The following INPP4B variants were observed in gnomAD, a reference collection of about 807,000 sequenced individuals.
The protein encoded by INPP4B is inositol polyphosphate 4-phosphatase type II.
A neutral mutation model predicts 122.5 loss-of-function variants in INPP4B; 55 were observed. The ratio of observed to expected loss-of-function variants is 0.45; its 90% CI spans 0.36 to 0.56. INPP4B has a LOEUF of 0.56. Among genes scored for constraint, INPP4B ranks in the 20% least tolerant of loss-of-function variants. The pLI, the probability that INPP4B is intolerant of heterozygous loss-of-function variation, is 0.00. For missense variants in INPP4B, 1,000 were observed against 1,097.7 expected, an observed-to-expected ratio of 0.91 and a Z score of 1.26; for synonymous variants, 403 against 388.7, an observed-to-expected ratio of 1.04 and a Z score of -0.43.
At chr4:142,321,016 A>C (rs1032670802) in intron 7 of INPP4B, among the ~76,000 whole-genome samples, 5 of 152,158 alleles carry the variant, frequency 3.3e-5, no homozygotes, top group Non-Finnish European at 5.9e-5. Context: ...TGGTAGATCT[A>C]CTTTTAGTAT....
At chr4:142,661,865 CTTAAGT>C (rs1415211072) in intron 2 of INPP4B, among the ~76,000 whole-genome samples, 1 of 152,156 alleles carries the variant, frequency 6.6e-6, no homozygotes, top group Admixed American at 6.6e-5. Flanking sequence ...GAGACGTTAC[CTTAAGT>C]TGAAGTCTTC....
At chr4:142,250,458 T>A (rs1731407669) in intron 11 of INPP4B, among the ~76,000 whole-genome samples, 1 of 152,200 alleles carries the variant, frequency 6.6e-6, no homozygotes, top group African/African-American at 2.4e-5. Context: ...AGAATGTCAA[T>A]AGCTTACTTT....
chr4:142,207,253 G>A (rs996388450), intron 14 of INPP4B, among the ~76,000 whole-genome samples: 5 of 152,162 alleles, frequency 3.3e-5, no homozygotes, highest in African/African-American at 1.2e-4. Flanking sequence ...GAATGTGGGA[G>A]TGCAAACATC....
chr4:142,743,925 A>T (rs1212629757), intron 1 of INPP4B, among the ~76,000 whole-genome samples: 2 of 151,950 alleles, frequency 1.3e-5, no homozygotes, highest in Non-Finnish European at 1.5e-5. Context: ...AGATAGACAT[A>T]AAAAAGTGAC....
chr4:142,251,704 T>C (rs2636655), intron 11 of INPP4B, among the ~76,000 whole-genome samples: 115,383 of 152,110 alleles, frequency 0.76, 45,102 homozygotes, highest in East Asian at 0.93. Flanking sequence ...TTTAAACATA[T>C]TGCTCAATTA....
intron 2 of INPP4B, among the ~76,000 whole-genome samples, chr4:142,514,885 T>C (rs1825222468): frequency 6.9e-6 from 1 of 145,468 alleles, no homozygotes; most frequent in African/African-American, 2.5e-5. Context: ...AACCTTTGCC[T>C]CCCAAGTTCA....
chr4:142,056,071 G>C (rs1757535326), intron 25 of INPP4B, among the ~76,000 whole-genome samples: 1 of 151,778 alleles, frequency 6.6e-6, no homozygotes, highest in African/African-American at 2.4e-5. Context: ...TTTGTAATAG[G>C]GTTTGAGTTC....
At chr4:142,552,626 G>T (rs972811805) in intron 2 of INPP4B, among the ~76,000 whole-genome samples, 1 of 152,126 alleles carries the variant, frequency 6.6e-6, no homozygotes, top group Non-Finnish European at 1.5e-5. Context: ...AGAGAATTTG[G>T]AGAAAGAGGC....
chr4:142,573,815 A>T (rs1021479627), intron 2 of INPP4B, among the ~76,000 whole-genome samples: 2 of 152,048 alleles, frequency 1.3e-5, no homozygotes, highest in African/African-American at 4.8e-5. Context: ...TGTTTTCCTG[A>T]CTTTAATCTC....
chr4:142,305,723 G>T, intron 8 of INPP4B, 186 bp from the exon 9 acceptor site: 1 of 1,421,414 alleles, frequency 7.0e-7, no homozygotes, highest in Non-Finnish European at 9.2e-7. Context: ...ATTAAAGGGT[G>T]AAAATGTATC....
rs1560781725 is a variant in INPP4B at position 142,545,704 on chromosome 4, T to TGTGTGTATATACAC, written c.-190-82979_-190-82978insGTGTATATACACAC. Among the ~76,000 whole-genome samples the TGTGTGTATATACAC allele has an allele frequency of 2.4e-3, 109 of 46,166 alleles. 1 individual carries two copies. Among genetic ancestry groups the TGTGTGTATATACAC allele is most frequent in the Middle Eastern group, 0.013 (1 of 80 alleles). 30.3% of individuals were successfully genotyped at this position (46,166 alleles called of 152,430 possible). A position where few individuals can be genotyped will look rare whatever the true frequency, so the allele number is the denominator to read the frequency against. Reference sequence around the variant, plus strand: ...TAATACACACATATATATGTGTATATATATGTGTGTGTATATGTGTGTATA... The same window carrying TGTGTGTATATACAC: ...TAATACACACATATATATGTGTATATGTGTGTATATACACATATGTGTGTGTATATGTGTGTATA... On this transcript the variant is annotated intron_variant, in intron 2 of 25. Transcript: ENST00000262992.
chr4:142,535,759 C>CA (rs1828118567), intron 2 of INPP4B, among the ~76,000 whole-genome samples: 1 of 151,366 alleles, frequency 6.6e-6, no homozygotes, highest in East Asian at 1.9e-4. Flanking sequence ...TCATCATTCT[C>CA]TTTTTTTTTC....
rs76251049 is a variant in INPP4B, at chr4:142,079,562, G to A, written c.2642+2469C>T. On this transcript the variant is annotated intron_variant, in intron 25 of 25. Transcript: ENST00000262992. ...ATGAACCACTCACTGTTGTATGTGC[G>A]GTAGGAAATTTATAAGAGTTATATG... Among the ~76,000 whole-genome samples, 329 of 151,994 alleles carry A rather than the reference G, an allele frequency of 2.2e-3. 1 individual carries two copies. Among genetic ancestry groups the A allele is most frequent in the African/African-American group, 7.2e-3 (300 of 41,486 alleles).
intron 25 of INPP4B, among the ~76,000 whole-genome samples, chr4:142,073,996 C>T (rs1769060784): frequency 6.6e-6 from 1 of 151,930 alleles, no homozygotes; most frequent in Non-Finnish European, 1.5e-5. Flanking sequence ...GAGCCCTGTC[C>T]CCCTCCCAGC....
At chr4:142,715,131 C>A (rs1202794751) in intron 2 of INPP4B, among the ~76,000 whole-genome samples, 2 of 152,134 alleles carry the variant, frequency 1.3e-5, no homozygotes, top group Non-Finnish European at 2.9e-5. Context: ...TCCTTTTGAG[C>A]TCTCTGCTCT....
At chr4:142,590,873 T>A (rs1580445573) in intron 2 of INPP4B, among the ~76,000 whole-genome samples, 1 of 104,936 alleles carries the variant, frequency 9.5e-6, no homozygotes, top group African/African-American at 3.5e-5. Flanking sequence ...TCTTCTAATA[T>A]CATTCTCCAA....
At chr4:142,257,847 A>C (rs964455021) in intron 11 of INPP4B, among the ~76,000 whole-genome samples, 2 of 151,994 alleles carry the variant, frequency 1.3e-5, no homozygotes, top group African/African-American at 4.8e-5. Flanking sequence ...AATTGGAAAA[A>C]ACTACTTTCA....
intron 3 of INPP4B, among the ~76,000 whole-genome samples, chr4:142,449,187 T>G (rs1481124900): frequency 6.6e-6 from 1 of 152,156 alleles, no homozygotes; most frequent in African/African-American, 2.4e-5. Flanking sequence ...AGCTGCAGAC[T>G]AACACTGCAA....
intron 10 of INPP4B, among the ~76,000 whole-genome samples, chr4:142,268,504 C>G (rs1168012549): frequency 6.6e-6 from 1 of 151,606 alleles, no homozygotes; most frequent in African/African-American, 2.4e-5. Context: ...CAATCCCACT[C>G]TGGGTACTCC....
Sources: gnomAD v4.1 joint callset for allele counts (sites outside exome capture counted in the v4.1 genomes callset) on GRCh38, gnomAD v4.1.1 for gene constraint, MANE v1.5 for transcripts, NCBI Gene and HGNC (gene_info 2026-07-23, HGNC 2026-07-21) for gene names.